Variants in IGF1R observed in about 807,000 individuals in gnomAD.
IGF1R encodes insulin like growth factor 1 receptor.
IGF1R carries 44 observed loss-of-function variants against 144.6 expected under a neutral mutation model. The ratio of observed to expected loss-of-function variants is 0.30; its 90% CI spans 0.24 to 0.39. IGF1R has a LOEUF of 0.39. Among genes scored for constraint, IGF1R ranks in the 10% least tolerant of loss-of-function variants. The pLI is 1.00. For synonymous variants in IGF1R, 795 were observed against 722.8 expected (o/e 1.10, Z -1.60); for missense variants, 1,355 against 1,833.7 (o/e 0.74, Z 4.77).
chr15:98,666,570 C>G (rs867887866), intron 1 of IGF1R, among the ~76,000 whole-genome samples: 4 of 152,188 alleles, frequency 2.6e-5, no homozygotes, highest in Non-Finnish European at 5.9e-5. Flanking sequence ...GAAGGAAATT[C>G]TATGATGTGC....
chr15:98,652,294 T>C (rs1376173479), intron 1 of IGF1R, among the ~76,000 whole-genome samples: 1 of 152,202 alleles, frequency 6.6e-6, no homozygotes, highest in Non-Finnish European at 1.5e-5. Context: ...ACTTTAAATT[T>C]ATTGTACCCA....
chr15:98,891,086 C>G lies in IGF1R; in HGVS notation c.641-239C>G, dbSNP rs961336326. On this transcript the variant is annotated intron_variant, in intron 2 of 20. Transcript: ENST00000650285. The surrounding 1 kb of genome is among the most constrained non-coding windows in gnomAD (Gnocchi z 4.7). ...CAGAAGCTAATGGTTTGTCCCAGAC[C>G]AAACAAGGAGTTCCTAGGAGAGACT... Among the ~76,000 whole-genome samples the G allele has an allele frequency of 2.0e-5, 3 of 152,194 alleles. No individual in the cohort carries two copies. The highest frequency in any genetic ancestry group is 4.4e-5 in the Non-Finnish European group (3 of 68,034).
rs375891500 is a variant in IGF1R at position 98,770,219 on chromosome 15, T to C, written c.640+62112T>C. On this transcript the variant is annotated intron_variant, in intron 2 of 20. Coordinates refer to ENST00000650285, the MANE Select transcript of IGF1R (RefSeq NM_000875.5). ...ATGGGCTGAATGAATGTCTCTCTGCTGGGATTAAAAGTTAGAGGAAGGCAA... is the reference window on the plus strand; with the variant it reads ...ATGGGCTGAATGAATGTCTCTCTGCCGGGATTAAAAGTTAGAGGAAGGCAA... Among the ~76,000 whole-genome samples, 38 of 152,306 alleles carry C rather than the reference T, an allele frequency of 2.5e-4. No individual in the cohort carries two copies. In the East Asian group the frequency reaches 3.5e-3, roughly 14 times the overall value.
chr15:98,771,802 A>G (rs544630413), intron 2 of IGF1R, among the ~76,000 whole-genome samples: 1 of 152,292 alleles, frequency 6.6e-6, no homozygotes, highest in African/African-American at 2.4e-5. Flanking sequence ...GTTATTGGCA[A>G]TTGCTACAAA....
At chr15:98,690,620 T>C (rs1334815560) in intron 1 of IGF1R, among the ~76,000 whole-genome samples, 3 of 152,222 alleles carry the variant, frequency 2.0e-5, no homozygotes, top group African/African-American at 7.2e-5. Flanking sequence ...ATACAATTAA[T>C]ATGTGAATGT....
In IGF1R at chr15:98,916,268, T is replaced by G. The variant is rs575387970; in HGVS notation, c.1996+137T>G. 2.2e-5 allele frequency: 19 copies of G among 880,204 alleles called. No homozygotes were observed. The East Asian group carries it at 2.7e-4, about 12-fold the overall frequency. The allele number at this position is 880,204 out of a possible 1,614,324, so 54.5% of individuals were successfully genotyped here. A position where few individuals can be genotyped will look rare whatever the true frequency, so the allele number is the denominator to read the frequency against. ...GAAACCAGCTATCTTCTGGTTTTTTTTTTTTTTTTTTGAGACAGAGTCTCA... is the reference window on the plus strand; with the variant it reads ...GAAACCAGCTATCTTCTGGTTTTTTGTTTTTTTTTTTGAGACAGAGTCTCA... On this transcript the variant is annotated intron_variant, in intron 9 of 20. Coordinates refer to ENST00000650285, the MANE Select transcript of IGF1R (RefSeq NM_000875.5).
Position 98,962,085 on chromosome 15 carries a change from G to A in IGF1R, c.*4643G>A. On this transcript the variant is annotated 3_prime_UTR_variant, in exon 21 of 21. Coordinates refer to ENST00000650285, the MANE Select transcript of IGF1R (RefSeq NM_000875.5). ...AGCAGTCCACCTCTGCAGGCTGGCA[G>A]CCGAATGGCTTGCCAGTGGCTCTGT... 1 of 233,350 alleles carries A rather than the reference G, an allele frequency of 4.3e-6. No individual in the cohort carries two copies. 14.5% of individuals were successfully genotyped at this position (233,350 alleles called of 1,614,324 possible).
At chr15:98,941,243 C>T (rs534623584) in intron 18 of IGF1R, among the ~76,000 whole-genome samples, 6 of 152,338 alleles carry the variant, frequency 3.9e-5, no homozygotes, top group East Asian at 1.9e-4. Flanking sequence ...AGCAGCAGCA[C>T]GTGCCTGGCA....
At chr15:98,875,810 G>A (rs1269419001) in intron 2 of IGF1R, among the ~76,000 whole-genome samples, 2 of 152,176 alleles carry the variant, frequency 1.3e-5, no homozygotes, top group African/African-American at 4.8e-5. Context: ...CTGGGAGCAC[G>A]GTGCTAGGAC....
intron 2 of IGF1R, among the ~76,000 whole-genome samples, chr15:98,732,812 C>T (rs2054524216): frequency 6.6e-6 from 1 of 152,034 alleles, no homozygotes; most frequent in Admixed American, 6.5e-5. Context: ...GTGAGCTGGT[C>T]TAGGAGGTTT....
At chr15:98,824,307 T>C (rs1387892842) in intron 2 of IGF1R, 17 of 152,242 alleles carry the variant, frequency 1.1e-4, no homozygotes, top group Admixed American at 1.1e-3. Context: ...TCTCTTTCAC[T>C]CTTCTGAAAT....
chr15:98,954,053 G>C (rs549755622), intron 20 of IGF1R: 1 of 152,286 alleles, frequency 6.6e-6, no homozygotes, highest in Non-Finnish European at 1.5e-5. Context: ...TCCGGTGAGC[G>C]TCGGCACCGG....
chr15:98,685,812 C>T (rs977063876), intron 1 of IGF1R, among the ~76,000 whole-genome samples: 4 of 152,220 alleles, frequency 2.6e-5, no homozygotes, highest in Admixed American at 1.3e-4. Flanking sequence ...GCCTTGGAGC[C>T]GCAGCCTCCT....
intron 1 of IGF1R, among the ~76,000 whole-genome samples, chr15:98,706,127 A>G (rs1052474438): frequency 3.3e-5 from 5 of 152,202 alleles, no homozygotes; most frequent in African/African-American, 1.2e-4. Flanking sequence ...CGCTGTGTGC[A>G]CACCACTGAC....
At chr15:98,729,054 C>T (rs1423488562) in intron 2 of IGF1R, among the ~76,000 whole-genome samples, 1 of 152,190 alleles carries the variant, frequency 6.6e-6, no homozygotes, top group African/African-American at 2.4e-5. Context: ...TTAGCTGATA[C>T]TATCATAATT....
chr15:98,701,867 T>G (rs1482305910), intron 1 of IGF1R, among the ~76,000 whole-genome samples: 1 of 152,160 alleles, frequency 6.6e-6, no homozygotes, highest in Non-Finnish European at 1.5e-5. Flanking sequence ...AAGGTATTAC[T>G]GTTTGCAGTA....
At chr15:98,790,561 G>A (rs369518125) in intron 2 of IGF1R, among the ~76,000 whole-genome samples, 6 of 152,090 alleles carry the variant, frequency 3.9e-5, no homozygotes, top group South Asian at 2.1e-4. Flanking sequence ...GCCTCTGGGC[G>A]TGTTGTTTTT....
chr15:98,684,749 G>A (rs2053281672), intron 1 of IGF1R, among the ~76,000 whole-genome samples: 1 of 152,052 alleles, frequency 6.6e-6, no homozygotes, highest in Non-Finnish European at 1.5e-5. Context: ...TGCTGAGAGA[G>A]CGCATGTGGG....
chr15:98,688,368 C>G (rs554687081), intron 1 of IGF1R, among the ~76,000 whole-genome samples: 1 of 151,436 alleles, frequency 6.6e-6, no homozygotes, highest in Non-Finnish European at 1.5e-5. Flanking sequence ...CTCTCTCCCC[C>G]GCTCCCAACT....
Sources: gnomAD v4.1 joint callset for allele counts (sites outside exome capture counted in the v4.1 genomes callset) on GRCh38, gnomAD v4.1.1 for gene constraint, Gnocchi (gnomAD v3.1) non-coding constraint, MANE v1.5 for transcripts, NCBI Gene and HGNC (gene_info 2026-07-23, HGNC 2026-07-21) for gene names.